The following KCNIP4 variants were observed in gnomAD, a reference collection of about 807,000 sequenced individuals.
KCNIP4 encodes the protein Kv channel-interacting protein 4.
In KCNIP4, 12 loss-of-function variants were observed where a neutral mutation model predicts 34.0. The ratio of observed to expected loss-of-function variants is 0.35; its 90% CI spans 0.23 to 0.57. The LOEUF (loss-of-function observed/expected upper bound fraction) is 0.57, where lower values mean the gene tolerates loss of function less well. KCNIP4 is among the 20% of genes least tolerant of loss of function. KCNIP4 has a pLI of 0.83. For missense variants in KCNIP4, 238 were observed against 311.7 expected, an observed-to-expected ratio of 0.76 and a Z score of 1.78; for synonymous variants, 124 against 102.2, an observed-to-expected ratio of 1.21 and a Z score of -1.29.
intron 1 of KCNIP4, among the ~76,000 whole-genome samples, chr4:21,676,056 C>T (rs547174694): frequency 1.1e-4 from 17 of 152,070 alleles, no homozygotes; most frequent in South Asian, 2.1e-4. Flanking sequence ...CATAAAGAAA[C>T]GCAATAAACT....
At chr4:21,479,349 C>T (rs958019477) in intron 1 of KCNIP4, among the ~76,000 whole-genome samples, 8 of 152,176 alleles carry the variant, frequency 5.3e-5, no homozygotes, top group Middle Eastern at 3.4e-3. Flanking sequence ...TAGCACTGGC[C>T]ATTTATTTGC....
At chr4:21,199,519 G>T (rs1344378527) in intron 1 of KCNIP4, among the ~76,000 whole-genome samples, 1 of 152,138 alleles carries the variant, frequency 6.6e-6, no homozygotes, top group African/African-American at 2.4e-5. Flanking sequence ...TCTATAGGTT[G>T]CCTGTTCATT....
intron 3 of KCNIP4, among the ~76,000 whole-genome samples, chr4:20,763,145 C>G (rs978131428): frequency 6.6e-6 from 1 of 152,092 alleles, no homozygotes. Context: ...GGGTAGGGCA[C>G]AAAGCATAAC....
chr4:21,204,565 G>C (rs1756714879), intron 1 of KCNIP4, among the ~76,000 whole-genome samples: 1 of 152,036 alleles, frequency 6.6e-6, no homozygotes, highest in Admixed American at 6.6e-5. Context: ...AGATAACTTT[G>C]ACTTTCCTTA....
intron 1 of KCNIP4, among the ~76,000 whole-genome samples, chr4:20,980,478 A>G (rs974809096): frequency 6.6e-6 from 1 of 152,184 alleles, no homozygotes; most frequent in Non-Finnish European, 1.5e-5. Context: ...TTCAATTAAA[A>G]CTTTTTTTAA....
At chr4:21,525,996 T>C (rs1735942617) in intron 1 of KCNIP4, among the ~76,000 whole-genome samples, 4 of 152,204 alleles carry the variant, frequency 2.6e-5, no homozygotes, top group Admixed American at 2.6e-4. Flanking sequence ...TATCCAATTT[T>C]TTTTAACTGG....
intron 1 of KCNIP4, among the ~76,000 whole-genome samples, chr4:21,226,345 A>T (rs193265818): frequency 9.4e-6 from 1 of 105,862 alleles, no homozygotes; most frequent in Non-Finnish European, 1.7e-5. Flanking sequence ...GGGAAGGAAG[A>T]GAAGGAAGAG....
chr4:20,888,648 G>C (rs1725576710), intron 1 of KCNIP4, among the ~76,000 whole-genome samples: 1 of 152,090 alleles, frequency 6.6e-6, no homozygotes, highest in African/African-American at 2.4e-5. Flanking sequence ...AATTTATTAA[G>C]TTAATATGTA....
chr4:21,454,874 A>AGG (rs1728790543), intron 1 of KCNIP4, among the ~76,000 whole-genome samples: 1 of 152,100 alleles, frequency 6.6e-6, no homozygotes, highest in Non-Finnish European at 1.5e-5. Flanking sequence ...GGAAAGATAC[A>AGG]GGGGTAGGAA....
At chr4:21,681,257 T>C (rs931816281) in intron 1 of KCNIP4, among the ~76,000 whole-genome samples, 20 of 151,262 alleles carry the variant, frequency 1.3e-4, no homozygotes, top group African/African-American at 2.0e-4. Flanking sequence ...TGCACCACCA[T>C]GCCAGGCTAA....
chr4:21,294,327 G>A (rs1296654372), intron 1 of KCNIP4, among the ~76,000 whole-genome samples: 4 of 152,040 alleles, frequency 2.6e-5, no homozygotes, highest in South Asian at 2.1e-4. Flanking sequence ...AACAAGATCT[G>A]GGCCCTAACT....
chr4:21,542,465 A>G (rs988146873), intron 1 of KCNIP4, among the ~76,000 whole-genome samples: 2 of 152,158 alleles, frequency 1.3e-5, no homozygotes, highest in Non-Finnish European at 1.5e-5. Flanking sequence ...TACAATTTAT[A>G]AACATGTTTT....
At chr4:21,807,144 A>G (rs1385600742) in intron 1 of KCNIP4, among the ~76,000 whole-genome samples, 2 of 152,302 alleles carry the variant, frequency 1.3e-5, no homozygotes, top group Admixed American at 6.5e-5. Context: ...TGTGTCTATG[A>G]GAATTTAATG....
chr4:21,495,220 G>A (rs1333045213), intron 1 of KCNIP4, among the ~76,000 whole-genome samples: 1 of 149,978 alleles, frequency 6.7e-6, no homozygotes, highest in Non-Finnish European at 1.5e-5. Context: ...AAGGGTGCTA[G>A]AGAGGAACTG....
chr4:20,759,426 G>C (rs542791181), intron 3 of KCNIP4, among the ~76,000 whole-genome samples: 1 of 152,262 alleles, frequency 6.6e-6, no homozygotes, highest in African/African-American at 2.4e-5. Flanking sequence ...GTGACCTTGG[G>C]TGAGATAGAA....
At chr4:20,922,547 G>GTCTGTCTA (rs373186954) in intron 1 of KCNIP4, among the ~76,000 whole-genome samples, 3,944 of 129,406 alleles carry the variant, frequency 0.03, 83 homozygotes, top group East Asian at 0.053. Flanking sequence ...CTGTCTGTCT[G>GTCTGTCTA]TCTATCTATC....
chr4:21,891,751 A>G (rs1284958744), intron 1 of KCNIP4, among the ~76,000 whole-genome samples: 2 of 152,296 alleles, frequency 1.3e-5, no homozygotes, highest in East Asian at 1.9e-4. Flanking sequence ...AACTCTACCA[A>G]TAATTCTTTT....
At chr4:21,534,114 G>T (rs1028104630) in intron 1 of KCNIP4, among the ~76,000 whole-genome samples, 1 of 152,038 alleles carries the variant, frequency 6.6e-6, no homozygotes. Flanking sequence ...TTATAAAATT[G>T]CAATAGGACC....
At chr4:21,488,275 G>C (rs370325631) in intron 1 of KCNIP4, among the ~76,000 whole-genome samples, 12 of 152,206 alleles carry the variant, frequency 7.9e-5, no homozygotes, top group African/African-American at 2.9e-4. Flanking sequence ...CCAACTGTGA[G>C]AAATATGGCT....
Sources: gnomAD v4.1 joint callset for allele counts (sites outside exome capture counted in the v4.1 genomes callset) on GRCh38, gnomAD v4.1.1 for gene constraint, MANE v1.5 for transcripts, NCBI Gene and HGNC (gene_info 2026-07-23, HGNC 2026-07-21) for gene names.